Variants in EIF2B5 observed in about 807,000 individuals in gnomAD.
EIF2B5 encodes eukaryotic translation initiation factor 2B subunit epsilon.
A neutral mutation model predicts 87.3 loss-of-function variants in EIF2B5; 38 were observed. The ratio of observed to expected loss-of-function variants is 0.44; its 90% CI spans 0.34 to 0.57. The LOEUF (loss-of-function observed/expected upper bound fraction) is 0.57. EIF2B5 is among the 20% of genes least tolerant of loss of function. The probability of loss-of-function intolerance (pLI) is 0.02; values close to 1 mark genes in which losing one functional copy is unlikely to be tolerated. For synonymous variants in EIF2B5, 313 were observed against 339.6 expected (o/e 0.92, Z 0.86); for missense variants, 784 against 909.5 (o/e 0.86, Z 1.78).
intron 6 of EIF2B5, 25 bp downstream of exon 6, chr3:184,140,182 T>C (rs1167778208): frequency 6.3e-7 from 1 of 1,597,314 alleles, no homozygotes; most frequent in East Asian, 2.2e-5. Flanking sequence ...CCAATGCCTC[T>C]TTAGGAGAGA....
chr3:184,145,090 C>T lies in EIF2B5; in HGVS notation c.*147C>T. 1 of 760,610 alleles carries T rather than the reference C, an allele frequency of 1.3e-6. No homozygotes were observed. Among genetic ancestry groups the T allele is most frequent in the Non-Finnish European group, 2.3e-6 (1 of 442,398 alleles). 47.1% of individuals were successfully genotyped at this position (760,610 alleles called of 1,614,324 possible). Reference sequence around the variant, plus strand: ...AGAGGCTGGAACTACAGTATTCTTTCCCCTGCTAGCAACCATGTGCCTCCC... The same window carrying T: ...AGAGGCTGGAACTACAGTATTCTTTTCCCTGCTAGCAACCATGTGCCTCCC... On this transcript the variant is annotated 3_prime_UTR_variant, in exon 16 of 16. Transcript: ENST00000648915. This position sits in a 1 kb window ranked among gnomAD's most constrained non-coding sequence, Gnocchi z 4.0.
intron 6 of EIF2B5, 47 bp from the exon 7 acceptor site, chr3:184,140,371 C>A: frequency 1.2e-6 from 2 of 1,601,968 alleles, no homozygotes; most frequent in Non-Finnish European, 1.7e-6. Flanking sequence ...TGGGGGCATT[C>A]TTCCTGTCTT....
chr3:184,140,155 G>A lies in EIF2B5; in HGVS notation c.841G>A (p.Glu281Lys). Residue 281 changes from glutamate (E) to lysine (K), a missense_variant and splice_region_variant, in exon 6 of 16, where the codon GAG becomes AAG. Coordinates refer to ENST00000648915, the MANE Select transcript of EIF2B5 (RefSeq NM_003907.3). ...TGTGCGAGGTCTCTTAGTGAATGAG[G>A]AGGTGAGAAAAGTCTTCCAATGCCT... Reference protein sequence around the residue: ...DFVRGLLVNEEILGNQIHMHV... With the variant: ...DFVRGLLVNEKILGNQIHMHV... The A allele has an allele frequency of 1.9e-6, 3 of 1,613,758 alleles. No homozygotes were observed. The highest frequency in any genetic ancestry group is 2.5e-6 in the Non-Finnish European group (3 of 1,179,676).
chr3:184,138,873 C>T (rs1214557806), intron 5 of EIF2B5: 2 of 292,182 alleles, frequency 6.8e-6, no homozygotes, highest in South Asian at 2.6e-5. Flanking sequence ...TGTTGTCCGG[C>T]CTGGTCACGA....
Position 184,138,244 on chromosome 3 carries a change from C to T in EIF2B5, c.763C>T (p.Gln255Ter), listed in dbSNP as rs752247359. 2 of 1,613,674 alleles carry T rather than the reference C, an allele frequency of 1.2e-6. No homozygotes were observed. Among genetic ancestry groups the T allele is most frequent in the Non-Finnish European group, 1.7e-6 (2 of 1,180,006 alleles). Residue 255 changes from glutamine to a stop codon, truncating the protein, a stop_gained and splice_region_variant, in exon 5 of 16, where the codon CAG becomes TAG. Transcript: ENST00000648915. LOFTEE classifies it high-confidence loss of function. Reference protein sequence around the residue: ...LDCHISICSPQVAQLFTDNFD... With the variant: ...LDCHISICSP ...TTGTCATATCAGCATCTGTTCTCCT[C>T]AGGTGAGCTCTTTAGGGCTGGGGCT... is the stretch of plus-strand genomic sequence containing the variant.
At chr3:184,143,221 A>T in intron 12 of EIF2B5, 79 bp downstream of exon 12, 1 of 1,530,504 alleles carries the variant, frequency 6.5e-7, no homozygotes, top group Non-Finnish European at 8.9e-7. Context: ...TTGTCTCCAA[A>T]TAGGAACCTA....
rs1713414917 is a variant in EIF2B5, at chr3:184,137,521, G to A, written c.321-99G>A. On this transcript the variant is annotated intron_variant, in intron 2 of 15. Transcript: ENST00000648915. Reference sequence around the variant, plus strand: ...CTGGCAAGAACCCAAAAAAGCCATCGAGAAGGACTGTGAGTGCTGAAAGGG... The same window carrying A: ...CTGGCAAGAACCCAAAAAAGCCATCAAGAAGGACTGTGAGTGCTGAAAGGG... 8 of 1,259,262 alleles carry A rather than the reference G, an allele frequency of 6.4e-6. No individual in the cohort carries two copies. The East Asian group carries it at 7.0e-5, about 11-fold the overall frequency. The allele number at this position is 1,259,262 out of a possible 1,614,324, so 78.0% of individuals were successfully genotyped here.
intron 2 of EIF2B5, 58 bp downstream of exon 2, chr3:184,136,794 A>G (rs1246233748): frequency 3.5e-5 from 57 of 1,612,408 alleles, no homozygotes; most frequent in Non-Finnish European, 4.5e-5. Context: ...TTTTTTCAGG[A>G]TGAATGTAAC....
intron 5 of EIF2B5, among the ~76,000 whole-genome samples, 165 bp from the exon 6 acceptor site, chr3:184,139,915 T>C (rs1427817767): frequency 6.6e-6 from 1 of 151,150 alleles, no homozygotes; most frequent in East Asian, 2.0e-4. Context: ...CCCAGCTACT[T>C]GGGAGGCTGA....
rs1344139506 is a variant in EIF2B5 at position 184,142,927 on chromosome 3, C to T, written c.1654+41C>T. The T allele has an allele frequency of 6.3e-7, 1 of 1,587,662 alleles. No homozygotes were observed. Among genetic ancestry groups the T allele is most frequent in the Non-Finnish European group, 8.6e-7 (1 of 1,161,726 alleles). On this transcript the variant is annotated intron_variant, in intron 11 of 15. Coordinates refer to ENST00000648915, the MANE Select transcript of EIF2B5 (RefSeq NM_003907.3). This position sits in a 1 kb window ranked among gnomAD's most constrained non-coding sequence, Gnocchi z 5.0. ...GAAATGCGCTGGACCAGTTTATTCT[C>T]TGCCTGGATCAACTAGCCAGAGGCT...
intron 5 of EIF2B5, among the ~76,000 whole-genome samples, chr3:184,139,875 TA>T (rs1247415499): frequency 6.6e-6 from 1 of 151,704 alleles, no homozygotes; most frequent in Non-Finnish European, 1.5e-5. Context: ...ATACAAAAAT[TA>T]GCTGGGCGTG....
chr3:184,137,829 A>G (rs1193436108), intron 3 of EIF2B5, 24 bp downstream of exon 3: 1 of 1,614,072 alleles, frequency 6.2e-7, no homozygotes, highest in Non-Finnish European at 8.5e-7. Flanking sequence ...AATGACAGGA[A>G]CAAGGGTTAA....
In EIF2B5 at chr3:184,140,155, G is replaced by C. The variant is rs761225930; in HGVS notation, c.841G>C (p.Glu281Gln). 1.2e-6 allele frequency: 2 copies of C among 1,613,758 alleles called. No individual in the cohort carries two copies. The highest frequency in any genetic ancestry group is 1.7e-6 in the Non-Finnish European group (2 of 1,179,676). The change falls in exon 6 of 16, where the codon GAG (glutamate) becomes CAG (glutamine). Residue 281 changes from glutamate to glutamine, a missense_variant and splice_region_variant. Coordinates refer to ENST00000648915, the MANE Select transcript of EIF2B5 (RefSeq NM_003907.3). Reference sequence around the variant, plus strand: ...TGTGCGAGGTCTCTTAGTGAATGAGGAGGTGAGAAAAGTCTTCCAATGCCT... The same window carrying C: ...TGTGCGAGGTCTCTTAGTGAATGAGCAGGTGAGAAAAGTCTTCCAATGCCT... ...DFVRGLLVNE[E>Q]ILGNQIHMHV...
intron 12 of EIF2B5, 145 bp downstream of exon 12, chr3:184,143,287 A>G (rs1427725436): frequency 2.0e-6 from 3 of 1,468,700 alleles, no homozygotes; most frequent in East Asian, 4.7e-5. Flanking sequence ...GGAGAGCATT[A>G]TTAAGTTCTA....
At position 184,136,756 on chromosome 3, in the gene EIF2B5, C is replaced by A. The variant is rs1476878461; in HGVS notation, c.320+20C>A. 6.2e-7 allele frequency: 1 copy of A among 1,614,142 alleles called. No homozygotes were observed. The highest frequency in any genetic ancestry group is 8.5e-7 in the Non-Finnish European group (1 of 1,180,002). On this transcript the variant is annotated intron_variant, in intron 2 of 15. Transcript: ENST00000648915. ...TTTACTGTAAGGCCCTGCAACTTTTCTTTCCATGTTTCGCCATCTTTTTCC... is the reference window on the plus strand; with the variant it reads ...TTTACTGTAAGGCCCTGCAACTTTTATTTCCATGTTTCGCCATCTTTTTCC...
intron 1 of EIF2B5, chr3:184,135,926 A>C: frequency 2.8e-6 from 1 of 353,410 alleles, no homozygotes; most frequent in Non-Finnish European, 5.2e-6. Flanking sequence ...GGTGAAAAGA[A>C]ACGACCTTTT....
At chr3:184,137,526 G>A (rs1046360355) in intron 2 of EIF2B5, 94 bp from the exon 3 acceptor site, 2 of 1,298,090 alleles carry the variant, frequency 1.5e-6, no homozygotes, top group African/African-American at 2.9e-5. Flanking sequence ...CCATCGAGAA[G>A]GACTGTGAGT....
At position 184,144,074 on chromosome 3, in the gene EIF2B5, T is replaced by G. The variant is rs775837095; in HGVS notation, c.1870-25T>G. 5 of 1,614,224 alleles carry G rather than the reference T, an allele frequency of 3.1e-6. No homozygotes were observed. Among genetic ancestry groups the G allele is most frequent in the Non-Finnish European group, 3.4e-6 (4 of 1,180,030 alleles). ...TATAGGTGAATGCTTAGGAATATAC[T>G]GCAGCTCCCTTCTTTCTTCCATAGC... On this transcript the variant is annotated intron_variant, in intron 13 of 15. Transcript: ENST00000648915.
At chr3:184,139,595 A>G (rs1454119468) in intron 5 of EIF2B5, among the ~76,000 whole-genome samples, 1 of 134,766 alleles carries the variant, frequency 7.4e-6, no homozygotes, top group African/African-American at 2.8e-5. Context: ...TTTTTTTTTT[A>G]GAATCTATTG....
Sources: allele counts gnomAD v4.1 joint callset (sites outside exome capture counted in the v4.1 genomes callset), GRCh38; gene constraint gnomAD v4.1.1; non-coding constraint Gnocchi (gnomAD v3.1); transcripts MANE v1.5; gene names NCBI Gene and HGNC (gene_info 2026-07-23, HGNC 2026-07-21).